The following GRM3 variants were observed in gnomAD, a reference collection of about 807,000 sequenced individuals.
GRM3 encodes the protein metabotropic glutamate receptor 3.
GRM3 carries 26 observed loss-of-function variants against 70.5 expected under a neutral mutation model. The ratio of observed to expected loss-of-function variants is 0.37; its 90% CI spans 0.27 to 0.51. The LOEUF (loss-of-function observed/expected upper bound fraction) is 0.51, where lower values mean the gene tolerates loss of function less well. GRM3 is among the 20% of genes least tolerant of loss of function. The pLI is 0.93. For missense variants in GRM3, 859 were observed against 1,123.8 expected (o/e 0.76, Z 3.37); for synonymous variants, 443 against 434.9 (o/e 1.02, Z -0.23).
At chr7:86,659,732 T>C (rs1793844507) in intron 1 of GRM3, among the ~76,000 whole-genome samples, 1 of 152,008 alleles carries the variant, frequency 6.6e-6, no homozygotes, top group African/African-American at 2.4e-5. Context: ...TGCTTCTTAT[T>C]TTAACATAAA....
intron 5 of GRM3, among the ~76,000 whole-genome samples, chr7:86,863,802 G>GC (rs1799005566): frequency 1.3e-5 from 2 of 152,112 alleles, no homozygotes; most frequent in Non-Finnish European, 2.9e-5. Flanking sequence ...CCAGTTTATA[G>GC]ATTACCAAAG....
chr7:86,695,926 A>G (rs1487401654), intron 1 of GRM3, among the ~76,000 whole-genome samples: 1 of 152,178 alleles, frequency 6.6e-6, no homozygotes, highest in Non-Finnish European at 1.5e-5. Context: ...TTTTCATATA[A>G]AAATATATTA....
intron 1 of GRM3, among the ~76,000 whole-genome samples, chr7:86,693,303 G>T (rs1225520625): frequency 6.6e-6 from 1 of 152,148 alleles, no homozygotes; most frequent in African/African-American, 2.4e-5. Context: ...TTAGTAAGTG[G>T]CAAAGCCTAC....
chr7:86,850,802 G>A (rs1017081965), intron 5 of GRM3, among the ~76,000 whole-genome samples: 8 of 152,088 alleles, frequency 5.3e-5, no homozygotes, highest in African/African-American at 1.9e-4. Context: ...CTGCAGTGAG[G>A]GGTTTGACCA....
At chr7:86,663,991 G>A (rs150747097) in intron 1 of GRM3, among the ~76,000 whole-genome samples, 205 of 152,048 alleles carry the variant, frequency 1.3e-3, no homozygotes, top group Middle Eastern at 3.4e-3. Context: ...TGTGAAAGGA[G>A]AGATAATGGC....
intron 1 of GRM3, among the ~76,000 whole-genome samples, chr7:86,747,565 T>A (rs1278465784): frequency 6.6e-6 from 1 of 152,060 alleles, no homozygotes; most frequent in Non-Finnish European, 1.5e-5. Context: ...CCAGTTATAA[T>A]CTTCACCAGA....
At chr7:86,665,977 G>A (rs973758155) in intron 1 of GRM3, among the ~76,000 whole-genome samples, 88 of 152,128 alleles carry the variant, frequency 5.8e-4, no homozygotes, top group African/African-American at 2.1e-3. Context: ...TTCACATTTT[G>A]TGAATATTCT....
chr7:86,742,521 A>G (rs2116326057), intron 1 of GRM3, among the ~76,000 whole-genome samples: 1 of 152,284 alleles, frequency 6.6e-6, no homozygotes, highest in South Asian at 2.1e-4. Context: ...GGAAAATACA[A>G]TCTGCCATAC....
chr7:86,656,004 G>T (rs575544915), intron 1 of GRM3, among the ~76,000 whole-genome samples: 5 of 152,114 alleles, frequency 3.3e-5, no homozygotes, highest in East Asian at 3.9e-4. Context: ...CTCTTACTTT[G>T]AGATTCCCAT....
chr7:86,826,220 C>T (rs2237565), intron 3 of GRM3, among the ~76,000 whole-genome samples: 64,777 of 151,986 alleles, frequency 0.43, 16,151 homozygotes, highest in African/African-American at 0.7. Context: ...TATTCTTGGG[C>T]GCTCCGGTTT....
intron 1 of GRM3, among the ~76,000 whole-genome samples, chr7:86,666,612 C>T (rs1286009062): frequency 2.0e-5 from 3 of 152,006 alleles, no homozygotes; most frequent in African/African-American, 4.8e-5. Flanking sequence ...TCAGATTCTC[C>T]AAATAGCTCT....
At chr7:86,735,808 C>A (rs748781080) in intron 1 of GRM3, among the ~76,000 whole-genome samples, 1 of 152,148 alleles carries the variant, frequency 6.6e-6, no homozygotes, top group Non-Finnish European at 1.5e-5. Context: ...CTTCAATATT[C>A]GCATTATTAC....
At chr7:86,773,838 A>C (rs1204021104) in intron 2 of GRM3, among the ~76,000 whole-genome samples, 1 of 152,016 alleles carries the variant, frequency 6.6e-6, no homozygotes, top group Non-Finnish European at 1.5e-5. Context: ...CATTGGGGTT[A>C]ATTTGTTTCT....
chr7:86,752,571 T>C (rs1409367018), intron 1 of GRM3, among the ~76,000 whole-genome samples: 2 of 152,018 alleles, frequency 1.3e-5, no homozygotes, highest in African/African-American at 4.8e-5. Context: ...TACAACAAGA[T>C]AGTAGGGGTC....
chr7:86,698,876 A>G (rs1199391410), intron 1 of GRM3, among the ~76,000 whole-genome samples: 1 of 151,972 alleles, frequency 6.6e-6, no homozygotes, highest in Non-Finnish European at 1.5e-5. Context: ...CACGTGTCTT[A>G]GACAATTTGA....
chr7:86,856,714 T>A (rs1798856422), intron 5 of GRM3, among the ~76,000 whole-genome samples: 1 of 152,196 alleles, frequency 6.6e-6, no homozygotes, highest in Non-Finnish European at 1.5e-5. Flanking sequence ...TAACTCTACA[T>A]GTATTAGAGA....
intron 1 of GRM3, among the ~76,000 whole-genome samples, chr7:86,675,365 C>T (rs112860589): frequency 4.6e-5 from 7 of 151,998 alleles, no homozygotes; most frequent in African/African-American, 1.7e-4. Context: ...ACACCATATC[C>T]CTGCTTCCAA....
chr7:86,723,900 G>A (rs1351058227), intron 1 of GRM3, among the ~76,000 whole-genome samples: 1 of 152,112 alleles, frequency 6.6e-6, no homozygotes, highest in East Asian at 1.9e-4. Context: ...TGCAAGATTG[G>A]TGTTAAAGAC....
intron 1 of GRM3, among the ~76,000 whole-genome samples, chr7:86,750,644 A>G (rs973316412): frequency 4.6e-5 from 7 of 152,060 alleles, no homozygotes; most frequent in African/African-American, 1.7e-4. Flanking sequence ...AAGTGACCAC[A>G]GGTGAAGAAT....
Sources: gnomAD v4.1 joint callset for allele counts (sites outside exome capture counted in the v4.1 genomes callset) on GRCh38, gnomAD v4.1.1 for gene constraint, MANE v1.5 for transcripts, NCBI Gene and HGNC (gene_info 2026-07-23, HGNC 2026-07-21) for gene names.